The following MMP16 variants were observed in gnomAD, a reference collection of about 807,000 sequenced individuals.
MMP16 encodes matrix metalloproteinase-16.
In MMP16, 12 loss-of-function variants were observed where a neutral mutation model predicts 67.8. The ratio of observed to expected loss-of-function variants is 0.18; its 90% CI spans 0.11 to 0.29. The LOEUF is 0.29. MMP16 is among the 10% of genes least tolerant of loss of function. The pLI, the probability that MMP16 is intolerant of heterozygous loss-of-function variation, is 1.00. For missense variants in MMP16, 475 were observed against 765.7 expected, an observed-to-expected ratio of 0.62 and a Z score of 4.48; for synonymous variants, 249 against 255.9, an observed-to-expected ratio of 0.97 and a Z score of 0.26.
intron 6 of MMP16, among the ~76,000 whole-genome samples, chr8:88,094,257 T>C (rs772070209): frequency 1.1e-4 from 17 of 151,824 alleles, no homozygotes; most frequent in Non-Finnish European, 1.8e-4. Flanking sequence ...AAGTAAGAGA[T>C]AAATGTTAGA....
At chr8:88,218,973 A>G (rs1038069418) in intron 1 of MMP16, among the ~76,000 whole-genome samples, 1 of 152,108 alleles carries the variant, frequency 6.6e-6, no homozygotes, top group African/African-American at 2.4e-5. Flanking sequence ...AGCGTCAACC[A>G]TACACAAGGA....
chr8:88,127,182 T>C (rs1426252764), intron 4 of MMP16, among the ~76,000 whole-genome samples: 1 of 151,888 alleles, frequency 6.6e-6, no homozygotes, highest in Non-Finnish European at 1.5e-5. Flanking sequence ...AGAAATATAC[T>C]GGGCTCAAGT....
intron 1 of MMP16, among the ~76,000 whole-genome samples, chr8:88,268,832 T>G (rs1479639593): frequency 1.3e-5 from 2 of 152,220 alleles, no homozygotes; most frequent in African/African-American, 4.8e-5. Flanking sequence ...TTGTTCTTTT[T>G]TTTTTAACTT....
At chr8:88,309,282 T>C (rs1167558641) in intron 1 of MMP16, among the ~76,000 whole-genome samples, 1 of 152,022 alleles carries the variant, frequency 6.6e-6, no homozygotes, top group Non-Finnish European at 1.5e-5. Flanking sequence ...TTACAAGTTA[T>C]TAATATCATA....
At chr8:88,240,999 T>C (rs1018305162) in intron 1 of MMP16, among the ~76,000 whole-genome samples, 7 of 152,126 alleles carry the variant, frequency 4.6e-5, no homozygotes, top group African/African-American at 1.7e-4. Flanking sequence ...TATTAAGCTA[T>C]CATTTTCTAA....
intron 1 of MMP16, among the ~76,000 whole-genome samples, chr8:88,250,302 T>C (rs1563573968): frequency 6.6e-6 from 1 of 151,958 alleles, no homozygotes; most frequent in Admixed American, 6.6e-5. Context: ...TAAGAACGGG[T>C]GGGCACAGGA....
intron 1 of MMP16, among the ~76,000 whole-genome samples, chr8:88,208,375 A>T (rs1809461564): frequency 6.6e-6 from 1 of 152,226 alleles, no homozygotes; most frequent in African/African-American, 2.4e-5. Flanking sequence ...GGTTCCATTT[A>T]TGCTTTGTCC....
In MMP16 at chr8:88,132,582, T is replaced by C. The variant is rs28905773; in HGVS notation, c.710-13721A>G. 6.3e-3 allele frequency among the ~76,000 whole-genome samples: 961 copies of C among 151,960 alleles called. 8 individuals are homozygous for C. The highest frequency in any genetic ancestry group is 0.022 in the African/African-American group (927 of 41,512). ...TCACCATGTGGGCTCTTTTCACATG[T>C]TGGCTATGACATGTCATCTGGCTTC... On this transcript the variant is annotated intron_variant, in intron 4 of 9. Coordinates refer to ENST00000286614, the MANE Select transcript of MMP16 (RefSeq NM_005941.5).
rs571358459 is a variant in MMP16, at chr8:88,158,047, C to A, written c.709+9622G>T. ...TAGTATTCCATGGTGTATAGGTGCC[C>A]CATTTTCTTAATCCAGTCTATCATT... On this transcript the variant is annotated intron_variant, in intron 4 of 9. Coordinates refer to ENST00000286614, the MANE Select transcript of MMP16 (RefSeq NM_005941.5). 3.8e-3 allele frequency among the ~76,000 whole-genome samples: 582 copies of A among 152,090 alleles called. 6 individuals are homozygous for A. The highest frequency in any genetic ancestry group is 0.013 in the African/African-American group (550 of 41,468).
At chr8:88,146,550 C>T (rs928698267) in intron 4 of MMP16, among the ~76,000 whole-genome samples, 1 of 151,712 alleles carries the variant, frequency 6.6e-6, no homozygotes, top group African/African-American at 2.4e-5. Flanking sequence ...TGCAATTTGC[C>T]CTATTCACTC....
At chr8:88,244,894 G>A (rs1039613173) in intron 1 of MMP16, among the ~76,000 whole-genome samples, 7 of 152,122 alleles carry the variant, frequency 4.6e-5, no homozygotes, top group African/African-American at 1.7e-4. Flanking sequence ...GAGAGATAAT[G>A]TGCCTCAGGC....
intron 6 of MMP16, among the ~76,000 whole-genome samples, chr8:88,088,791 A>C (rs2118336831): frequency 6.6e-6 from 1 of 152,204 alleles, no homozygotes; most frequent in South Asian, 2.1e-4. Flanking sequence ...ATAGTGATCA[A>C]GTTCTAAGGC....
chr8:88,099,107 GT>G (rs1413226663), intron 6 of MMP16, among the ~76,000 whole-genome samples: 3 of 151,408 alleles, frequency 2.0e-5, no homozygotes, highest in Non-Finnish European at 4.4e-5. Flanking sequence ...TTATGTACAT[GT>G]TCTAAATTTC....
At chr8:88,181,828 T>C (rs1563555555) in intron 3 of MMP16, among the ~76,000 whole-genome samples, 1 of 151,836 alleles carries the variant, frequency 6.6e-6, no homozygotes, top group Non-Finnish European at 1.5e-5. Flanking sequence ...AATACATATA[T>C]CAAAGGAACA....
chr8:88,096,772 C>G (rs1015286865), intron 6 of MMP16, among the ~76,000 whole-genome samples: 4 of 151,872 alleles, frequency 2.6e-5, no homozygotes, highest in Non-Finnish European at 5.9e-5. Context: ...CAAATATTAT[C>G]TAAATATATA....
chr8:88,232,402 G>T (rs1035763351), intron 1 of MMP16, among the ~76,000 whole-genome samples: 3 of 152,040 alleles, frequency 2.0e-5, no homozygotes, highest in Admixed American at 6.6e-5. Flanking sequence ...TGCAAGTTTG[G>T]CAGAACTACA....
intron 1 of MMP16, among the ~76,000 whole-genome samples, chr8:88,289,897 T>A (rs1810895776): frequency 6.6e-6 from 1 of 152,012 alleles, no homozygotes; most frequent in Non-Finnish European, 1.5e-5. Context: ...TCCAGCTGGC[T>A]CTAGGGTGCT....
intron 1 of MMP16, among the ~76,000 whole-genome samples, chr8:88,206,650 A>C (rs1227406110): frequency 6.6e-6 from 1 of 152,202 alleles, no homozygotes; most frequent in East Asian, 1.9e-4. Context: ...TTAATCTTAA[A>C]TGTTATGTAT....
At chr8:88,165,113 T>C (rs952842466) in intron 4 of MMP16, among the ~76,000 whole-genome samples, 4 of 142,700 alleles carry the variant, frequency 2.8e-5, no homozygotes, top group Non-Finnish European at 4.5e-5. Context: ...GAAGTTAAGG[T>C]AGGAGGATTG....
Sources: gnomAD v4.1 joint callset for allele counts (sites outside exome capture counted in the v4.1 genomes callset) on GRCh38, gnomAD v4.1.1 for gene constraint, MANE v1.5 for transcripts, NCBI Gene and HGNC (gene_info 2026-07-23, HGNC 2026-07-21) for gene names.